EXOC6B: variants seen among roughly 807,000 people sequenced by gnomAD.
The protein encoded by EXOC6B is SEC15 homolog B.
Under a neutral mutation model 113.5 loss-of-function variants are expected in EXOC6B, and 54 were observed. The observed-to-expected ratio is 0.48, with a 90% CI of 0.38 to 0.60. The LOEUF (loss-of-function observed/expected upper bound fraction) is 0.60. Ranked by LOEUF, EXOC6B falls within the 20% of genes least tolerant of loss-of-function variation. EXOC6B has a pLI of 0.00. For synonymous variants in EXOC6B, 357 were observed against 339.0 expected (o/e 1.05, Z -0.58); for missense variants, 797 against 977.5 (o/e 0.82, Z 2.46).
chr2:72,335,127 A>G, intron 19 of EXOC6B, 107 bp from the exon 20 acceptor site: 1 of 965,264 alleles, frequency 1.0e-6, no homozygotes, highest in South Asian at 1.3e-5. Flanking sequence ...GAGGAGGACC[A>G]AGCTTCTAAG....
intron 6 of EXOC6B, among the ~76,000 whole-genome samples, chr2:72,635,005 T>A (rs1381294938): frequency 6.7e-6 from 1 of 148,608 alleles, no homozygotes; most frequent in Non-Finnish European, 1.5e-5. Context: ...AAAGTAAAAA[T>A]ACATAGAACT....
At chr2:72,456,170 T>C (rs1398991160) in intron 18 of EXOC6B, among the ~76,000 whole-genome samples, 1 of 152,128 alleles carries the variant, frequency 6.6e-6, no homozygotes, top group Non-Finnish European at 1.5e-5. Flanking sequence ...TGCAAGGCAT[T>C]TTATAATTAA....
At chr2:72,804,604 T>A (rs866633022) in intron 1 of EXOC6B, among the ~76,000 whole-genome samples, 2 of 151,998 alleles carry the variant, frequency 1.3e-5, no homozygotes, top group South Asian at 2.1e-4. Context: ...TTTTTTTTTT[T>A]AATTTTTTGA....
intron 1 of EXOC6B, among the ~76,000 whole-genome samples, chr2:72,820,564 A>G (rs182545257): frequency 8.5e-5 from 13 of 152,318 alleles, no homozygotes; most frequent in Non-Finnish European, 1.6e-4. Flanking sequence ...GCTGAAAACT[A>G]GAGCAAACTT....
chr2:72,437,362 G>A (rs1695942616), intron 18 of EXOC6B, among the ~76,000 whole-genome samples: 1 of 152,252 alleles, frequency 6.6e-6, no homozygotes, highest in Non-Finnish European at 1.5e-5. Flanking sequence ...CTCCCAGTCA[G>A]AAGGCATGGG....
intron 8 of EXOC6B, among the ~76,000 whole-genome samples, chr2:72,542,177 C>T (rs1016284809): frequency 1.3e-5 from 2 of 152,170 alleles, no homozygotes; most frequent in Admixed American, 6.5e-5. Context: ...TTCTGAAGTA[C>T]TGCATTCATT....
chr2:72,527,220 T>A (rs1701785859), intron 8 of EXOC6B, among the ~76,000 whole-genome samples: 1 of 152,010 alleles, frequency 6.6e-6, no homozygotes, highest in South Asian at 2.1e-4. Flanking sequence ...CATTTATTCA[T>A]TGAGTTGCAA....
chr2:72,637,183 A>C (rs571804609), intron 6 of EXOC6B, among the ~76,000 whole-genome samples: 1 of 152,354 alleles, frequency 6.6e-6, no homozygotes, highest in Admixed American at 6.5e-5. Flanking sequence ...AAAATGAAAA[A>C]AACATTGCAT....
chr2:72,429,933 T>C (rs1319651502), intron 18 of EXOC6B, among the ~76,000 whole-genome samples: 1 of 152,166 alleles, frequency 6.6e-6, no homozygotes, highest in Non-Finnish European at 1.5e-5. Flanking sequence ...GATGAAGGAA[T>C]AATTAAGGGA....
At chr2:72,267,210 A>G (rs1390171621) in intron 20 of EXOC6B, among the ~76,000 whole-genome samples, 1 of 152,154 alleles carries the variant, frequency 6.6e-6, no homozygotes, top group Non-Finnish European at 1.5e-5. Context: ...AAACAGGGAC[A>G]ATTTGACTTC....
chr2:72,288,230 A>G (rs1685564165), intron 20 of EXOC6B, among the ~76,000 whole-genome samples: 1 of 152,198 alleles, frequency 6.6e-6, no homozygotes, highest in Non-Finnish European at 1.5e-5. Context: ...TGCTCTTGGT[A>G]TAAACTGATT....
At chr2:72,776,957 C>T (rs1683740391) in intron 1 of EXOC6B, among the ~76,000 whole-genome samples, 1 of 152,026 alleles carries the variant, frequency 6.6e-6, no homozygotes. Flanking sequence ...AAATACAAGA[C>T]AGGCCGGGAG....
chr2:72,428,746 A>G (rs1251538837), intron 18 of EXOC6B, among the ~76,000 whole-genome samples: 6 of 152,190 alleles, frequency 3.9e-5, no homozygotes, highest in African/African-American at 1.4e-4. Context: ...CATAACAACA[A>G]TATCTAGAAA....
intron 6 of EXOC6B, among the ~76,000 whole-genome samples, chr2:72,653,823 A>G (rs1217960989): frequency 6.6e-6 from 1 of 152,074 alleles, no homozygotes; most frequent in Non-Finnish European, 1.5e-5. Context: ...CCAAGCTTCC[A>G]TAGCTATGAT....
chr2:72,631,463 GAGAGAGAGAGAGAGAGAGAGAGAGA>G (rs1672455824), intron 6 of EXOC6B, among the ~76,000 whole-genome samples: 3 of 3,912 alleles, frequency 7.7e-4, no homozygotes, highest in African/African-American at 2.4e-3. Flanking sequence ...TATATATATA[GAGAGAGAGAGAGAGAGAGAGAGAGA>G]GAGAGAGAGA....
At chr2:72,586,724 C>T (rs1705606478) in intron 6 of EXOC6B, among the ~76,000 whole-genome samples, 1 of 151,874 alleles carries the variant, frequency 6.6e-6, no homozygotes, top group Non-Finnish European at 1.5e-5. Context: ...TGCACGCTAG[C>T]CTGGCGGCAG....
chr2:72,182,308 G>A (rs1221955796), intron 21 of EXOC6B, among the ~76,000 whole-genome samples: 1 of 152,140 alleles, frequency 6.6e-6, no homozygotes, highest in Non-Finnish European at 1.5e-5. Flanking sequence ...AGATTCCTGG[G>A]AACGGAGGAG....
chr2:72,243,484 A>G lies in EXOC6B; in HGVS notation c.2197-59297T>C, dbSNP rs773008479. On this transcript the variant is annotated intron_variant, in intron 20 of 21. Transcript: ENST00000272427. ...TGGAAACCATCATTCTGAGCAAACT[A>G]TCGCAAGGACAGAAAACCAAACACC... is the stretch of plus-strand genomic sequence containing the variant. 1.2e-4 allele frequency among the ~76,000 whole-genome samples: 19 copies of G among 152,314 alleles called. 1 individual carries two copies. The highest frequency in any genetic ancestry group is 4.3e-4 in the African/African-American group (18 of 41,580).
intron 1 of EXOC6B, among the ~76,000 whole-genome samples, chr2:72,759,917 T>G (rs1404296545): frequency 1.3e-5 from 2 of 152,136 alleles, no homozygotes; most frequent in Admixed American, 6.5e-5. Flanking sequence ...GTCCCTACCT[T>G]TTGAAGGCAC....
Sources: gnomAD v4.1 joint callset for allele counts (sites outside exome capture counted in the v4.1 genomes callset) on GRCh38, gnomAD v4.1.1 for gene constraint, MANE v1.5 for transcripts, NCBI Gene and HGNC (gene_info 2026-07-23, HGNC 2026-07-21) for gene names.